PAPPA2: variants seen among roughly 807,000 people sequenced by gnomAD.
PAPPA2 encodes pappalysin-2.
In PAPPA2, 86 loss-of-function variants were observed where a neutral mutation model predicts 176.4. That is an observed-to-expected ratio of 0.49 (90% confidence interval 0.41 to 0.58). The LOEUF is 0.58. Among genes scored for constraint, PAPPA2 ranks in the 20% least tolerant of loss-of-function variants. PAPPA2 has a pLI of 0.00. For synonymous variants in PAPPA2, 809 were observed against 852.2 expected, an observed-to-expected ratio of 0.95 and a Z score of 0.88; for missense variants, 2,073 against 2,256.9, an observed-to-expected ratio of 0.92 and a Z score of 1.65.
At chr1:176,630,717 G>A (rs1411041639) in intron 3 of PAPPA2, among the ~76,000 whole-genome samples, 7 of 152,228 alleles carry the variant, frequency 4.6e-5, no homozygotes, top group African/African-American at 1.4e-4. Flanking sequence ...TAGAGGGTCT[G>A]ATAGGGGAGG....
intron 3 of PAPPA2, among the ~76,000 whole-genome samples, chr1:176,606,951 T>TAGTA (rs1287321046): frequency 6.6e-6 from 1 of 152,188 alleles, no homozygotes; most frequent in Non-Finnish European, 1.5e-5. Context: ...GACAATAGTC[T>TAGTA]TAGATGTTGG....
chr1:176,793,503 G>GA (rs1324038822), intron 19 of PAPPA2, 57 bp from the exon 20 acceptor site: 1 of 1,432,394 alleles, frequency 7.0e-7, no homozygotes, highest in African/African-American at 1.4e-5. Context: ...ATTCCTGAAA[G>GA]AAAAAGAATG....
chr1:176,637,629 T>C (rs139518430), intron 3 of PAPPA2, among the ~76,000 whole-genome samples: 6 of 152,294 alleles, frequency 3.9e-5, no homozygotes, highest in Non-Finnish European at 5.9e-5. Context: ...TGAAAGACTT[T>C]GACAGCTTTT....
At chr1:176,663,276 A>G (rs895948551) in intron 3 of PAPPA2, among the ~76,000 whole-genome samples, 42 of 152,244 alleles carry the variant, frequency 2.8e-4, no homozygotes, top group African/African-American at 9.4e-4. Flanking sequence ...CTTGAATGTA[A>G]GTGTGCTTTC....
intron 17 of PAPPA2, among the ~76,000 whole-genome samples, chr1:176,774,319 A>G (rs941816579): frequency 6.6e-6 from 1 of 152,170 alleles, no homozygotes; most frequent in Admixed American, 6.6e-5. Context: ...CTTAAGGGCC[A>G]TAAGGCCCAT....
At chr1:176,486,741 G>A (rs1160209848) in intron 1 of PAPPA2, among the ~76,000 whole-genome samples, 1 of 152,142 alleles carries the variant, frequency 6.6e-6, no homozygotes, top group African/African-American at 2.4e-5. Flanking sequence ...AGCAAAGGAC[G>A]ATGAGAGGGA....
At chr1:176,525,649 T>C (rs1017569372) in intron 1 of PAPPA2, among the ~76,000 whole-genome samples, 2 of 152,202 alleles carry the variant, frequency 1.3e-5, no homozygotes, top group African/African-American at 4.8e-5. Context: ...TGAAAAACAC[T>C]ACCTTAATCT....
intron 8 of PAPPA2, among the ~76,000 whole-genome samples, chr1:176,700,629 G>C (rs994716780): frequency 6.6e-6 from 1 of 152,218 alleles, no homozygotes; most frequent in African/African-American, 2.4e-5. Flanking sequence ...TCCAGCAGCA[G>C]AGAGGGCAAG....
intron 20 of PAPPA2, among the ~76,000 whole-genome samples, chr1:176,798,509 G>T (rs1327094234): frequency 6.6e-6 from 1 of 152,180 alleles, no homozygotes; most frequent in African/African-American, 2.4e-5. Context: ...AGAACAAATT[G>T]TATTTTGCCA....
At chr1:176,525,751 G>T (rs1021190927) in intron 1 of PAPPA2, among the ~76,000 whole-genome samples, 8 of 152,178 alleles carry the variant, frequency 5.3e-5, no homozygotes, top group Non-Finnish European at 1.0e-4. Flanking sequence ...GTACAGCCAG[G>T]TCGCTTTTGA....
At chr1:176,571,881 A>G (rs1217092396) in intron 2 of PAPPA2, among the ~76,000 whole-genome samples, 1 of 152,242 alleles carries the variant, frequency 6.6e-6, no homozygotes, top group African/African-American at 2.4e-5. Flanking sequence ...GTTCAGCCCA[A>G]TCCTTTTTAC....
intron 21 of PAPPA2, among the ~76,000 whole-genome samples, chr1:176,821,852 A>G (rs1216411212): frequency 6.6e-6 from 1 of 152,222 alleles, no homozygotes; most frequent in Non-Finnish European, 1.5e-5. Flanking sequence ...TAGACAAAGA[A>G]TAATATCTAC....
intron 12 of PAPPA2, among the ~76,000 whole-genome samples, chr1:176,720,605 G>C (rs1050195530): frequency 3.6e-4 from 54 of 151,698 alleles, no homozygotes; most frequent in African/African-American, 1.2e-3. Context: ...AGTGTATTAG[G>C]GTTCTCCAGA....
At chr1:176,680,050 G>A (rs1659505714) in intron 4 of PAPPA2, among the ~76,000 whole-genome samples, 1 of 152,164 alleles carries the variant, frequency 6.6e-6, no homozygotes, top group Non-Finnish European at 1.5e-5. Context: ...AAGTATAGAA[G>A]GAATGGATAC....
At chr1:176,727,950 A>G (rs1661960524) in intron 12 of PAPPA2, among the ~76,000 whole-genome samples, 1 of 152,004 alleles carries the variant, frequency 6.6e-6, no homozygotes, top group Admixed American at 6.6e-5. Flanking sequence ...AAATATTTTG[A>G]GCTGAATTAT....
intron 12 of PAPPA2, among the ~76,000 whole-genome samples, chr1:176,716,149 C>T (rs1046344090): frequency 6.6e-6 from 1 of 151,634 alleles, no homozygotes; most frequent in African/African-American, 2.4e-5. Context: ...TGGTTCTTAC[C>T]TCTCCTAGGA....
In PAPPA2 at chr1:176,702,668, G is replaced by A; in HGVS notation, c.3298G>A (p.Gly1100Arg). 1.9e-6 allele frequency: 3 copies of A among 1,613,506 alleles called. No individual in the cohort carries two copies. Among genetic ancestry groups the A allele is most frequent in the South Asian group, 1.1e-5 (1 of 91,064 alleles). ...QVLAEAGGEL[G>R]EASPPLNHIH... is the part of the protein sequence containing the mutation. ...TCTAGCTGAAGCTGGAGGAGAACTG[G>A]GAGAAGCTTCGCCTCCTCTGAACCA... The change falls in exon 9 of 23, where the codon GGA (glycine) becomes AGA (arginine). Residue 1100 changes from glycine to arginine, a missense_variant. Transcript: ENST00000367662.
intron 1 of PAPPA2, among the ~76,000 whole-genome samples, chr1:176,495,549 A>G (rs1156454359): frequency 2.0e-5 from 3 of 151,680 alleles, no homozygotes; most frequent in Non-Finnish European, 2.9e-5. Context: ...AAAAAAAAAA[A>G]AAAGAAAAGA....
chr1:176,800,893 C>G (rs890343044), intron 21 of PAPPA2, among the ~76,000 whole-genome samples: 2 of 152,164 alleles, frequency 1.3e-5, no homozygotes, highest in African/African-American at 4.8e-5. Context: ...GAAATCTTGT[C>G]TACTTCTTCA....
Sources: allele counts gnomAD v4.1 joint callset (sites outside exome capture counted in the v4.1 genomes callset), GRCh38; gene constraint gnomAD v4.1.1; transcripts MANE v1.5; gene names NCBI Gene and HGNC (gene_info 2026-07-23, HGNC 2026-07-21).